The following SH2B3 variants were observed in gnomAD, a reference collection of about 807,000 sequenced individuals.
The protein encoded by SH2B3 is SH2B adaptor protein 3.
In SH2B3, 43 loss-of-function variants were observed where a neutral mutation model predicts 51.9. The ratio of observed to expected loss-of-function variants is 0.83; its 90% confidence interval spans 0.65 to 1.07. SH2B3 has a LOEUF of 1.07. Among genes scored for constraint, SH2B3 ranks in the 50% least tolerant of loss-of-function variants. The pLI is 0.00. For missense variants in SH2B3, 952 were observed against 834.3 expected, an observed-to-expected ratio of 1.14 and a Z score of -1.74; for synonymous variants, 396 against 376.0, an observed-to-expected ratio of 1.05 and a Z score of -0.62.
At chr12:111,439,828 A>G (rs1452875994) in intron 2 of SH2B3, among the ~76,000 whole-genome samples, 1 of 152,192 alleles carries the variant, frequency 6.6e-6, no homozygotes, top group Non-Finnish European at 1.5e-5. Context: ...CAGAGGGCCC[A>G]GGTGTCACAC....
At position 111,435,472 on chromosome 12, in the gene SH2B3, T is replaced by G. The variant is rs1872786819; in HGVS notation, c.733-11281T>G. Among the ~76,000 whole-genome samples, 2 of 152,246 alleles carry G rather than the reference T, an allele frequency of 1.3e-5. No homozygotes were observed. The highest frequency in any genetic ancestry group is 2.4e-5 in the African/African-American group (1 of 41,466). Reference sequence around the variant, plus strand: ...GCCTCCCAGGTTCAGGTGATTCTCGTGCCTCAGCCTCCTGAGTAGCTGGGA... The same window carrying G: ...GCCTCCCAGGTTCAGGTGATTCTCGGGCCTCAGCCTCCTGAGTAGCTGGGA... On this transcript the variant is annotated intron_variant, in intron 2 of 7. Coordinates refer to ENST00000341259, the MANE Select transcript of SH2B3 (RefSeq NM_005475.3). The surrounding 1 kb of genome is among the most constrained non-coding windows in gnomAD (Gnocchi z 4.8).
chr12:111,449,858 A>C lies in SH2B3; in HGVS notation c.*1556A>C, dbSNP rs1874418429. The C allele has an allele frequency of 6.6e-6, 1 of 151,884 alleles. No individual in the cohort carries two copies. The highest frequency in any genetic ancestry group is 1.5e-5 in the Non-Finnish European group (1 of 68,018). The allele number at this position is 151,884 out of a possible 1,614,324, so 9.4% of individuals were successfully genotyped here. On this transcript the variant is annotated 3_prime_UTR_variant, in exon 8 of 8. Coordinates refer to ENST00000341259, the MANE Select transcript of SH2B3 (RefSeq NM_005475.3). ...TTATACTTAGTCTCTGTGCTCCAAG[A>C]GGTCAAATTTTTGCTTCTAGAATTT...
chr12:111,442,951 G>T (rs1055952638), intron 2 of SH2B3, among the ~76,000 whole-genome samples: 1 of 152,256 alleles, frequency 6.6e-6, no homozygotes, highest in Non-Finnish European at 1.5e-5. Context: ...ACTCAAGCTG[G>T]TTATGAGGAC....
At chr12:111,446,268 A>ACT (rs1278013380) in intron 2 of SH2B3, among the ~76,000 whole-genome samples, 2 of 152,184 alleles carry the variant, frequency 1.3e-5, no homozygotes, top group African/African-American at 4.8e-5. Context: ...ACAGTGGCTA[A>ACT]CTCCTATCCA....
intron 2 of SH2B3, among the ~76,000 whole-genome samples, chr12:111,426,608 G>C (rs912833410): frequency 1.3e-5 from 2 of 152,128 alleles, no homozygotes; most frequent in African/African-American, 4.8e-5. Context: ...CTTTGCTTCT[G>C]AGGGCCCCTT....
Position 111,447,021 on chromosome 12 carries a change from G to A in SH2B3, c.914G>A (p.Cys305Tyr), listed in dbSNP as rs756955512. 33 of 1,613,718 alleles carry A rather than the reference G, an allele frequency of 2.0e-5. 1 individual carries two copies. The highest frequency in any genetic ancestry group is 1.6e-4 in the South Asian group (15 of 91,076). Residue 305 changes from cysteine (C) to tyrosine (Y), a missense_variant, in exon 4 of 8, where the codon TGC (cysteine) becomes TAC (tyrosine). Cys to Tyr is a radical substitution (Grantham distance 194). Coordinates refer to ENST00000341259, the MANE Select transcript of SH2B3 (RefSeq NM_005475.3). ...LNSWMAELSE[C>Y]TGRGLESTEA... The stretch of plus-strand genomic sequence containing the variant: ...TCATGGATGGCTGAGCTCTCGGAGT[G>A]CACAGGCCGAGGGTGAGGTCCTGGG...
chr12:111,407,409 G>T lies in SH2B3; in HGVS notation c.-28+1132G>T, dbSNP rs1027709077. Among the ~76,000 whole-genome samples, 1 of 152,254 alleles carries T rather than the reference G, an allele frequency of 6.6e-6. No homozygotes were observed. The highest frequency in any genetic ancestry group is 1.5e-5 in the Non-Finnish European group (1 of 68,042). On this transcript the variant is annotated intron_variant, in intron 1 of 7. Coordinates refer to ENST00000341259, the MANE Select transcript of SH2B3 (RefSeq NM_005475.3). The surrounding 1 kb of genome is among the most constrained non-coding windows in gnomAD (Gnocchi z 4.3). ...GACAGTTCCCTAACACCGGCTAGCA[G>T]CCAGGCCTCAGGGCCCCTGCCAGGG...
chr12:111,418,099 C>A lies in SH2B3; in HGVS notation c.-27-20C>A. 6.8e-7 allele frequency: 1 copy of A among 1,470,894 alleles called. No homozygotes were observed. Among genetic ancestry groups the A allele is most frequent in the South Asian group, 1.4e-5 (1 of 71,680 alleles). 91.1% of individuals were successfully genotyped at this position (1,470,894 alleles called of 1,614,324 possible). ...CCACCTGCTTACTCCTTGTCGCCCC[C>A]CCACCCACGTGTCTTTCAGCCCGGC... On this transcript the variant is annotated intron_variant, in intron 1 of 7. Coordinates refer to ENST00000341259, the MANE Select transcript of SH2B3 (RefSeq NM_005475.3). The surrounding 1 kb of genome is among the most constrained non-coding windows in gnomAD (Gnocchi z 6.7).
At chr12:111,443,135 G>A (rs1873596697) in intron 2 of SH2B3, among the ~76,000 whole-genome samples, 1 of 152,228 alleles carries the variant, frequency 6.6e-6, no homozygotes, top group Admixed American at 6.5e-5. Flanking sequence ...AGAGAGGAAG[G>A]GTCTGTTGCC....
chr12:111,427,858 T>C (rs1048560770), intron 2 of SH2B3, among the ~76,000 whole-genome samples: 2 of 152,248 alleles, frequency 1.3e-5, no homozygotes, highest in Admixed American at 1.3e-4. Flanking sequence ...CTTCATTTTA[T>C]CTTCACAGCA....
At chr12:111,413,067 C>T (rs988647928) in intron 1 of SH2B3, among the ~76,000 whole-genome samples, 1 of 152,188 alleles carries the variant, frequency 6.6e-6, no homozygotes, top group African/African-American at 2.4e-5. Flanking sequence ...TGCATTTAGG[C>T]ACTGATCAGA....
intron 2 of SH2B3, chr12:111,443,505 G>T (rs2239195): frequency 0.2 from 30,793 of 152,286 alleles, 3,244 homozygotes; most frequent in East Asian, 0.32. Flanking sequence ...ACTGAAGCAC[G>T]TTTTATTTCG....
intron 2 of SH2B3, among the ~76,000 whole-genome samples, chr12:111,433,212 G>A (rs1220941576): frequency 3.3e-5 from 5 of 152,228 alleles, no homozygotes; most frequent in Non-Finnish European, 4.4e-5. Context: ...TTAGCTGGGC[G>A]TGGTGGTGGA....
rs1010071560 is a variant in SH2B3 at position 111,407,164 on chromosome 12, G to A, written c.-28+887G>A. ...TTTTCTTTAGTTTCCTCATTCTCCT[G>A]TTTCTCTTCCCCATTCCCAGCCACA... is the stretch of plus-strand genomic sequence containing the variant. On this transcript the variant is annotated intron_variant, in intron 1 of 7. Coordinates refer to ENST00000341259, the MANE Select transcript of SH2B3 (RefSeq NM_005475.3). The surrounding 1 kb of genome is among the most constrained non-coding windows in gnomAD (Gnocchi z 4.3). Among the ~76,000 whole-genome samples, 7 of 152,166 alleles carry A rather than the reference G, an allele frequency of 4.6e-5. No homozygotes were observed. The highest frequency in any genetic ancestry group is 1.7e-4 in the African/African-American group (7 of 41,442).
At chr12:111,425,007 G>T (rs903447154) in intron 2 of SH2B3, among the ~76,000 whole-genome samples, 1 of 152,144 alleles carries the variant, frequency 6.6e-6, no homozygotes, top group Non-Finnish European at 1.5e-5. Context: ...CCCAGGGCTG[G>T]AAGAGGCTTT....
At position 111,446,752 on chromosome 12, in the gene SH2B3, G is replaced by C. The variant is rs1874000792; in HGVS notation, c.733-1G>C. The C allele has an allele frequency of 6.5e-7, 1 of 1,528,538 alleles. No individual in the cohort carries two copies. Among genetic ancestry groups the C allele is most frequent in the African/African-American group, 1.4e-5 (1 of 72,252 alleles). The allele number at this position is 1,528,538 out of a possible 1,614,324, so 94.7% of individuals were successfully genotyped here. A position where few individuals can be genotyped will look rare whatever the true frequency, so the allele number is the denominator to read the frequency against. Reference sequence around the variant, plus strand: ...TTGAGTACCCCAACTTGGTCTCGTAGAGTTCAAGGCCCAAGCTACAAGCAG... The same window carrying C: ...TTGAGTACCCCAACTTGGTCTCGTACAGTTCAAGGCCCAAGCTACAAGCAG... On this transcript the variant is annotated splice_acceptor_variant, in intron 2 of 7. Transcript: ENST00000341259. LOFTEE classifies it high-confidence loss of function.
intron 2 of SH2B3, chr12:111,444,643 C>A: frequency 1.5e-6 from 1 of 672,100 alleles, no homozygotes; most frequent in Non-Finnish European, 1.8e-6. Flanking sequence ...GCCCCCACAG[C>A]TGCTGACACA....
At chr12:111,420,033 TAGC>T (rs1426005902) in intron 2 of SH2B3, among the ~76,000 whole-genome samples, 1 of 152,200 alleles carries the variant, frequency 6.6e-6, no homozygotes. Context: ...TGTGGGCTGG[TAGC>T]AGGTCACTCT....
intron 2 of SH2B3, among the ~76,000 whole-genome samples, chr12:111,444,340 G>A (rs572244223): frequency 1.8e-4 from 27 of 152,322 alleles, no homozygotes; most frequent in African/African-American, 6.3e-4. Context: ...ATTCCTAGCA[G>A]CCAGAGCAAA....
Sources: allele counts gnomAD v4.1 joint callset (sites outside exome capture counted in the v4.1 genomes callset), GRCh38; gene constraint gnomAD v4.1.1; non-coding constraint Gnocchi (gnomAD v3.1); transcripts MANE v1.5; gene names NCBI Gene and HGNC (gene_info 2026-07-23, HGNC 2026-07-21).